HSD17B11: variants seen among roughly 807,000 people sequenced by gnomAD.
HSD17B11 encodes estradiol 17-beta-dehydrogenase 11.
A neutral mutation model predicts 27.8 loss-of-function variants in HSD17B11; 22 were observed. The observed-to-expected ratio is 0.79, with a 90% CI of 0.56 to 1.13. HSD17B11 has a LOEUF of 1.13. Ranked by LOEUF, HSD17B11 falls within the 50% of genes most tolerant of loss-of-function variation. The pLI is 0.00. For synonymous variants in HSD17B11, 117 were observed against 132.8 expected, an observed-to-expected ratio of 0.88 and a Z score of 0.82; for missense variants, 314 against 351.1, an observed-to-expected ratio of 0.89 and a Z score of 0.84.
At chr4:87,363,760 C>T (rs1313920377) in intron 4 of HSD17B11, among the ~76,000 whole-genome samples, 1 of 152,188 alleles carries the variant, frequency 6.6e-6, no homozygotes, top group Non-Finnish European at 1.5e-5. Context: ...ACCTGTAGCT[C>T]AGTAGCTAAG....
chr4:87,384,736 G>A (rs547585817), intron 1 of HSD17B11, among the ~76,000 whole-genome samples: 186 of 147,980 alleles, frequency 1.3e-3, no homozygotes, highest in African/African-American at 4.6e-3. Context: ...CTCTGCTCTC[G>A]AACCCTGTTT....
At chr4:87,374,676 T>A in intron 3 of HSD17B11, 23 bp downstream of exon 3, 1 of 1,585,106 alleles carries the variant, frequency 6.3e-7, no homozygotes, top group Non-Finnish European at 8.5e-7. Context: ...AAGGAACATT[T>A]TTGTAAAAGA....
intron 4 of HSD17B11, among the ~76,000 whole-genome samples, chr4:87,369,407 GA>G (rs150423312): frequency 0.068 from 10,313 of 151,036 alleles, 1,198 homozygotes; most frequent in African/African-American, 0.24. Flanking sequence ...AAAATAGTCT[GA>G]ATTAGTACTT....
At chr4:87,371,581 T>C (rs930895531) in intron 4 of HSD17B11, among the ~76,000 whole-genome samples, 3 of 152,198 alleles carry the variant, frequency 2.0e-5, no homozygotes, top group African/African-American at 7.2e-5. Flanking sequence ...TAAATGTATG[T>C]CACGTGTCAA....
intron 4 of HSD17B11, among the ~76,000 whole-genome samples, chr4:87,361,027 T>C (rs1209967812): frequency 2.6e-5 from 4 of 152,214 alleles, no homozygotes; most frequent in African/African-American, 9.6e-5. Flanking sequence ...GTCAGAGGCA[T>C]GTAAACCACA....
chr4:87,372,014 G>A (rs1438750663), intron 4 of HSD17B11, among the ~76,000 whole-genome samples: 3 of 152,038 alleles, frequency 2.0e-5, no homozygotes, highest in East Asian at 1.9e-4. Flanking sequence ...AGGCCGAGGC[G>A]GGCGGATCAC....
intron 1 of HSD17B11, among the ~76,000 whole-genome samples, chr4:87,384,523 C>A (rs539864879): frequency 1.3e-5 from 2 of 152,106 alleles, no homozygotes; most frequent in African/African-American, 2.4e-5. Context: ...TTGCTAAATT[C>A]TTTTCCTAGC....
chr4:87,384,779 G>A (rs1258166527), intron 1 of HSD17B11, among the ~76,000 whole-genome samples: 2 of 151,782 alleles, frequency 1.3e-5, no homozygotes, highest in Non-Finnish European at 2.9e-5. Context: ...AAGACAATAT[G>A]TGCACCACTG....
chr4:87,340,393 G>A, intron 6 of HSD17B11, 97 bp downstream of exon 6: 1 of 733,266 alleles, frequency 1.4e-6, no homozygotes, highest in Admixed American at 2.5e-5. Flanking sequence ...CCATTTAACT[G>A]TACTTTATCA....
At chr4:87,378,004 T>C (rs999416928) in intron 2 of HSD17B11, among the ~76,000 whole-genome samples, 8 of 152,174 alleles carry the variant, frequency 5.3e-5, no homozygotes, top group Non-Finnish European at 7.3e-5. Flanking sequence ...TATTAAAAGA[T>C]GGAGCTGGGA....
At chr4:87,372,838 G>A (rs1228466911) in intron 3 of HSD17B11, 23 bp from the exon 4 acceptor site, 2 of 1,416,492 alleles carry the variant, frequency 1.4e-6, no homozygotes, top group Admixed American at 1.8e-5. Context: ...TTTATTAAAA[G>A]AGAAAAAATA....
Position 87,339,701 on chromosome 4 carries a change from T to C in HSD17B11, c.812+789A>G, listed in dbSNP as rs574649633. Among the ~76,000 whole-genome samples, 3 of 152,300 alleles carry C rather than the reference T, an allele frequency of 2.0e-5. No individual in the cohort carries two copies. The East Asian group carries it at 5.8e-4, about 29-fold the overall frequency. ...TGTTATGATGAGACATTCGTGAAAC[T>C]AGTGGTTTCCAATCTTGGCTGGATA... On this transcript the variant is annotated intron_variant, in intron 6 of 6. Transcript: ENST00000358290.
intron 3 of HSD17B11, among the ~76,000 whole-genome samples, chr4:87,373,493 C>T (rs7698196): frequency 0.035 from 5,260 of 151,806 alleles, 336 homozygotes; most frequent in African/African-American, 0.12. Context: ...AAGGATCACT[C>T]GAACCCAGGA....
chr4:87,388,696 T>C (rs979763220), intron 1 of HSD17B11, among the ~76,000 whole-genome samples: 2 of 152,256 alleles, frequency 1.3e-5, no homozygotes, highest in Non-Finnish European at 2.9e-5. Context: ...CAGTGTGGCA[T>C]ACTGCCCCTA....
chr4:87,380,750 C>T (rs1345682568), intron 2 of HSD17B11, among the ~76,000 whole-genome samples: 1 of 150,842 alleles, frequency 6.6e-6, no homozygotes, highest in Admixed American at 6.6e-5. Flanking sequence ...CCCAGCTACT[C>T]CGGAGGCTGA....
In HSD17B11 at chr4:87,378,880, AAAT is replaced by A. The variant is rs1720018627; in HGVS notation, c.318+3372_318+3374del. 1.8e-3 allele frequency among the ~76,000 whole-genome samples: 52 copies of A among 29,386 alleles called. 6 individuals carry two copies. Among genetic ancestry groups the A allele is most frequent in the East Asian group, 0.013 (15 of 1,126 alleles). The allele number at this position is 29,386 out of a possible 152,430, so 19.3% of individuals were successfully genotyped here. On this transcript the variant is annotated intron_variant, in intron 2 of 6. Transcript: ENST00000358290. ...TAAATATATATAAATATATATATAT[AAAT>A]ATATATATATAAATATATATAAATA... is the stretch of plus-strand genomic sequence containing the variant.
At chr4:87,355,447 G>A (rs556175668) in intron 5 of HSD17B11, among the ~76,000 whole-genome samples, 1 of 151,298 alleles carries the variant, frequency 6.6e-6, no homozygotes, top group Non-Finnish European at 1.5e-5. Flanking sequence ...TAAAGTCCAT[G>A]AGAAAAAAAT....
chr4:87,343,939 C>G (rs1452697801), intron 5 of HSD17B11, among the ~76,000 whole-genome samples: 1 of 152,186 alleles, frequency 6.6e-6, no homozygotes, highest in Non-Finnish European at 1.5e-5. Flanking sequence ...TGTTTAACCA[C>G]TGGCTCTCTA....
In HSD17B11 at chr4:87,342,945, A is replaced by C. The variant is rs575526112; in HGVS notation, c.696-2339T>G. 9.1e-4 allele frequency among the ~76,000 whole-genome samples: 138 copies of C among 152,326 alleles called. 2 individuals carry two copies. The South Asian group carries it at 0.027, about 30-fold the overall frequency. ...CAAGGAGGATGAATCCAGAAACTGA[A>C]GGATGCTATGCCTTGAAAAGCATTT... On this transcript the variant is annotated intron_variant, in intron 5 of 6. Transcript: ENST00000358290.
Sources: gnomAD v4.1 joint callset for allele counts (sites outside exome capture counted in the v4.1 genomes callset) on GRCh38, gnomAD v4.1.1 for gene constraint, MANE v1.5 for transcripts, NCBI Gene and HGNC (gene_info 2026-07-23, HGNC 2026-07-21) for gene names.